PCDHA1: variants seen among roughly 807,000 people sequenced by gnomAD.
The protein encoded by PCDHA1 is protocadherin alpha-1.
PCDHA1 carries 42 observed loss-of-function variants against 61.3 expected under a neutral mutation model. That is an observed-to-expected ratio of 0.69 (90% confidence interval 0.54 to 0.89). PCDHA1 has a LOEUF of 0.89. Ranked by LOEUF, PCDHA1 falls within the 40% of genes least tolerant of loss-of-function variation. The pLI, the probability that PCDHA1 is intolerant of heterozygous loss-of-function variation, is 0.00. For synonymous variants in PCDHA1, 610 were observed against 553.8 expected (o/e 1.10, Z -1.43); for missense variants, 1,256 against 1,235.3 (o/e 1.02, Z -0.25).
intron 1 of PCDHA1, among the ~76,000 whole-genome samples, chr5:140,937,615 T>TCAAAAAAAAAAAAAAAAAAAAAAAA (rs1472779704): frequency 5.3e-5 from 8 of 149,546 alleles, no homozygotes; most frequent in African/African-American, 2.0e-4. Context: ...ATACTCCATC[T>TCAAAAAAAAAAAAAAAAAAAAAAAA]AAAAAGAAAA....
chr5:140,850,870 C>T (rs2041860936), intron 1 of PCDHA1: 1 of 1,591,890 alleles, frequency 6.3e-7, no homozygotes, highest in African/African-American at 1.3e-5. Context: ...CCCTCTGCTT[C>T]CTCAGATTCA....
At position 140,928,712 on chromosome 5, in the gene PCDHA1, G is replaced by A; in HGVS notation, c.2395-50237G>A. 3.1e-6 allele frequency: 5 copies of A among 1,614,168 alleles called. No homozygotes were observed. The highest frequency in any genetic ancestry group is 4.2e-6 in the Non-Finnish European group (5 of 1,180,042). Reference sequence around the variant, plus strand: ...CACATCTCCCGGGCGTCTGACTCTAGTCTCTTTAGAATTTCAGCCAATATA... The same window carrying A: ...CACATCTCCCGGGCGTCTGACTCTAATCTCTTTAGAATTTCAGCCAATATA... On this transcript the variant is annotated intron_variant, in intron 1 of 3. Coordinates refer to ENST00000504120, the MANE Select transcript of PCDHA1 (RefSeq NM_018900.4).
At chr5:140,877,627 A>G (rs782765998) in intron 1 of PCDHA1, 3 of 1,613,732 alleles carry the variant, frequency 1.9e-6, no homozygotes, top group Admixed American at 3.3e-5. Context: ...GCTGCTGTAC[A>G]CTGCGCTGCG....
intron 1 of PCDHA1, among the ~76,000 whole-genome samples, chr5:140,839,682 A>T (rs916562974): frequency 3.3e-5 from 5 of 152,030 alleles, no homozygotes; most frequent in African/African-American, 4.8e-5. Context: ...AACTACAGAG[A>T]TTTTTTTGGG....
intron 1 of PCDHA1, among the ~76,000 whole-genome samples, chr5:140,855,144 C>A (rs573799171): frequency 1.3e-5 from 2 of 149,748 alleles, no homozygotes; most frequent in South Asian, 4.2e-4. Context: ...CCTGATGAGC[C>A]AAATTTGGTA....
At chr5:141,008,528 G>C (rs1343778561) in intron 3 of PCDHA1, among the ~76,000 whole-genome samples, 5 of 152,070 alleles carry the variant, frequency 3.3e-5, no homozygotes, top group African/African-American at 9.7e-5. Flanking sequence ...AGACTCTTGG[G>C]AATGTCTTTT....
At chr5:140,967,226 C>G (rs782350843) in intron 1 of PCDHA1, 1 of 1,613,746 alleles carries the variant, frequency 6.2e-7, no homozygotes, top group Non-Finnish European at 8.5e-7. Flanking sequence ...GCCCAACTAC[C>G]AGCTTCAGGT....
intron 1 of PCDHA1, chr5:140,850,397 G>A: frequency 1.3e-6 from 2 of 1,597,954 alleles, no homozygotes; most frequent in Non-Finnish European, 1.7e-6. Context: ...TCAGCACAAC[G>A]CGTGCCCTGG....
intron 1 of PCDHA1, among the ~76,000 whole-genome samples, chr5:140,833,300 C>T (rs1475529719): frequency 1.3e-5 from 2 of 152,266 alleles, no homozygotes; most frequent in Admixed American, 6.5e-5. Context: ...TGAATACAGA[C>T]ATAATTATTT....
intron 1 of PCDHA1, among the ~76,000 whole-genome samples, chr5:140,902,174 T>C (rs1191904492): frequency 1.3e-5 from 2 of 151,720 alleles, no homozygotes; most frequent in Non-Finnish European, 2.9e-5. Context: ...AATTTGGATG[T>C]CCTTTATGTC....
chr5:140,829,181 C>A, intron 1 of PCDHA1: 1 of 1,614,148 alleles, frequency 6.2e-7, no homozygotes. Flanking sequence ...TGAAGACGCT[C>A]AATTTGGTAC....
At chr5:140,839,391 TGA>T (rs2150297382) in intron 1 of PCDHA1, among the ~76,000 whole-genome samples, 1,897 of 151,830 alleles carry the variant, frequency 0.012, 32 homozygotes, top group Middle Eastern at 0.017. Context: ...ATGATGATGA[TGA>T]TGATTATTAT....
chr5:140,884,688 CTTA>C (rs782481361), intron 1 of PCDHA1: 8 of 1,535,868 alleles, frequency 5.2e-6, no homozygotes, highest in Non-Finnish European at 8.8e-7. Flanking sequence ...AAAAAATTGT[CTTA>C]GTAAACACTT....
intron 1 of PCDHA1, chr5:140,876,776 T>C: frequency 1.2e-6 from 2 of 1,614,212 alleles, no homozygotes; most frequent in Non-Finnish European, 1.7e-6. Context: ...TCGCCTTCGC[T>C]GTGGGCCACG....
chr5:140,965,012 C>T (rs1405445486), intron 1 of PCDHA1, among the ~76,000 whole-genome samples: 2 of 152,188 alleles, frequency 1.3e-5, no homozygotes, highest in African/African-American at 4.8e-5. Flanking sequence ...GTCAGGATCA[C>T]AACCTTGGCT....
chr5:140,843,113 G>A (rs1234618172), intron 1 of PCDHA1: 1 of 1,595,750 alleles, frequency 6.3e-7, no homozygotes, highest in Admixed American at 1.7e-5. Context: ...GCGCGCAGTG[G>A]ACGCCGACTC....
At chr5:140,968,697 C>G in intron 1 of PCDHA1, 2 of 1,614,144 alleles carry the variant, frequency 1.2e-6, no homozygotes, top group South Asian at 2.2e-5. Flanking sequence ...GAAATTAGGA[C>G]TACCAGGAAG....
chr5:140,806,454 A>G (rs535584535), intron 1 of PCDHA1, among the ~76,000 whole-genome samples: 1 of 152,232 alleles, frequency 6.6e-6, no homozygotes, highest in Non-Finnish European at 1.5e-5. Flanking sequence ...GCTATTTGCT[A>G]TAACTTCCTG....
In PCDHA1 at chr5:140,802,535, C is replaced by T. The variant is rs114741177; in HGVS notation, c.2394+13851C>T. Reference sequence around the variant, plus strand: ...CGGCCAGCGTGTCCGTGGAGGTGGCCGACGTGAACGACAATGCGCCGGCAT... The same window carrying T: ...CGGCCAGCGTGTCCGTGGAGGTGGCTGACGTGAACGACAATGCGCCGGCAT... On this transcript the variant is annotated intron_variant, in intron 1 of 3. Coordinates refer to ENST00000504120, the MANE Select transcript of PCDHA1 (RefSeq NM_018900.4). 6,269 of 1,614,142 alleles carry T rather than the reference C, an allele frequency of 3.9e-3. 13 individuals are homozygous for T. The highest frequency in any genetic ancestry group is 4.8e-3 in the Non-Finnish European group (5,638 of 1,180,054).
Sources: allele counts gnomAD v4.1 joint callset (sites outside exome capture counted in the v4.1 genomes callset), GRCh38; gene constraint gnomAD v4.1.1; transcripts MANE v1.5; gene names NCBI Gene and HGNC (gene_info 2026-07-23, HGNC 2026-07-21).